The following SNX30 variants were observed in gnomAD, a reference collection of about 807,000 sequenced individuals.
SNX30 encodes sorting nexin family member 30.
In SNX30, 24 loss-of-function variants were observed where a neutral mutation model predicts 46.4. The observed-to-expected ratio is 0.52, with a 90% CI of 0.37 to 0.73. The LOEUF (loss-of-function observed/expected upper bound fraction) is 0.73. Ranked by LOEUF, SNX30 falls within the 30% of genes least tolerant of loss-of-function variation. The pLI is 0.00. For missense variants in SNX30, 533 were observed against 555.7 expected, an observed-to-expected ratio of 0.96 and a Z score of 0.41; for synonymous variants, 189 against 211.5, an observed-to-expected ratio of 0.89 and a Z score of 0.92.
At chr9:112,773,420 C>T (rs576143401) in intron 1 of SNX30, among the ~76,000 whole-genome samples, 27 of 151,856 alleles carry the variant, frequency 1.8e-4, no homozygotes, top group African/African-American at 5.8e-4. Context: ...GATAGGATCT[C>T]GCTTTGTCAT....
chr9:112,856,282 A>G (rs1362045562), intron 7 of SNX30, among the ~76,000 whole-genome samples: 1 of 93,098 alleles, frequency 1.1e-5, no homozygotes, highest in African/African-American at 4.0e-5. Flanking sequence ...GGCCGTGTGG[A>G]GGGGACCTGG....
At chr9:112,758,479 A>G (rs1397176402) in intron 1 of SNX30, among the ~76,000 whole-genome samples, 2 of 152,134 alleles carry the variant, frequency 1.3e-5, no homozygotes, top group East Asian at 3.8e-4. Flanking sequence ...ACAGACGCGC[A>G]TCACCATGCC....
intron 1 of SNX30, among the ~76,000 whole-genome samples, chr9:112,794,538 A>G (rs372759011): frequency 6.6e-6 from 1 of 152,236 alleles, no homozygotes; most frequent in Admixed American, 6.5e-5. Context: ...TCAGAGAGCC[A>G]TCATTTTACC....
At position 112,873,219 on chromosome 9, in the gene SNX30, G is replaced by A. The variant is rs1841474080; in HGVS notation, c.*4376G>A. 6.6e-6 allele frequency: 1 copy of A among 152,166 alleles called. No homozygotes were observed. The highest frequency in any genetic ancestry group is 2.4e-5 in the African/African-American group (1 of 41,434). The allele number at this position is 152,166 out of a possible 1,614,324, so 9.4% of individuals were successfully genotyped here. A position where few individuals can be genotyped will look rare whatever the true frequency, so the allele number is the denominator to read the frequency against. On this transcript the variant is annotated 3_prime_UTR_variant, in exon 9 of 9. Transcript: ENST00000374232. ...TTTCCAGGTAGTTTTTACTACTACAGAGAGTCTGTAAATAAGTGCTTTAAA... is the reference window on the plus strand; with the variant it reads ...TTTCCAGGTAGTTTTTACTACTACAAAGAGTCTGTAAATAAGTGCTTTAAA...
intron 2 of SNX30, among the ~76,000 whole-genome samples, chr9:112,815,649 C>T (rs1456112857): frequency 6.6e-6 from 1 of 152,200 alleles, no homozygotes; most frequent in Non-Finnish European, 1.5e-5. Context: ...GTGTGAGCCA[C>T]TGCGCCCAGC....
chr9:112,790,179 A>G (rs1233759482), intron 1 of SNX30, among the ~76,000 whole-genome samples: 2 of 152,236 alleles, frequency 1.3e-5, no homozygotes, highest in African/African-American at 4.8e-5. Context: ...CTTACTATCA[A>G]TAGTTAAGAT....
chr9:112,810,188 CT>C (rs1369140906), intron 2 of SNX30, among the ~76,000 whole-genome samples: 2 of 152,096 alleles, frequency 1.3e-5, no homozygotes, highest in African/African-American at 4.8e-5. Flanking sequence ...ATTTTCACAA[CT>C]TTTATGGGCT....
chr9:112,774,844 C>CCTTT (rs1839713736), intron 1 of SNX30, among the ~76,000 whole-genome samples: 1 of 128,802 alleles, frequency 7.8e-6, no homozygotes, highest in Non-Finnish European at 1.6e-5. Flanking sequence ...TATTTATATG[C>CCTTT]TTTTTTTTTT....
intron 1 of SNX30, among the ~76,000 whole-genome samples, chr9:112,767,442 G>C (rs1211499182): frequency 1.3e-5 from 2 of 152,052 alleles, no homozygotes; most frequent in African/African-American, 4.8e-5. Context: ...TTTTAGGTTA[G>C]CCTGTTTTTG....
intron 1 of SNX30, among the ~76,000 whole-genome samples, chr9:112,753,563 A>G (rs1026345324): frequency 6.6e-6 from 1 of 152,138 alleles, no homozygotes; most frequent in African/African-American, 2.4e-5. Flanking sequence ...GTGTATTTTT[A>G]GTAGAGACGA....
At chr9:112,782,621 A>G (rs1786020782) in intron 1 of SNX30, among the ~76,000 whole-genome samples, 1 of 152,266 alleles carries the variant, frequency 6.6e-6, no homozygotes, top group South Asian at 2.1e-4. Flanking sequence ...CAAAAAATCC[A>G]TCAGCATTTA....
At chr9:112,827,728 A>G (rs1840599289) in intron 3 of SNX30, among the ~76,000 whole-genome samples, 1 of 152,088 alleles carries the variant, frequency 6.6e-6, no homozygotes, top group African/African-American at 2.4e-5. Flanking sequence ...CTTTATTGCC[A>G]TATTATGGGG....
chr9:112,865,334 C>T (rs1588143421), intron 8 of SNX30, among the ~76,000 whole-genome samples: 4 of 152,074 alleles, frequency 2.6e-5, no homozygotes, highest in African/African-American at 9.6e-5. Context: ...TCCAGCAAAC[C>T]AGTGCGAGGC....
At chr9:112,780,967 A>AT (rs1839836941) in intron 1 of SNX30, among the ~76,000 whole-genome samples, 1 of 152,174 alleles carries the variant, frequency 6.6e-6, no homozygotes, top group African/African-American at 2.4e-5. Flanking sequence ...AGCCAAGATG[A>AT]TTCAGCCCGT....
At chr9:112,865,659 A>ATGTGTGTGTGTGTGTGTGTGTGTGTG (rs1473545725) in intron 8 of SNX30, among the ~76,000 whole-genome samples, 3 of 79,696 alleles carry the variant, frequency 3.8e-5, no homozygotes, top group Non-Finnish European at 7.6e-5. Flanking sequence ...ATATATATAT[A>ATGTGTGTGTGTGTGTGTGTGTGTGTG]TATGTATGTA....
chr9:112,837,982 C>T (rs1232442214), intron 5 of SNX30, among the ~76,000 whole-genome samples: 2 of 147,178 alleles, frequency 1.4e-5, no homozygotes, highest in Non-Finnish European at 3.0e-5. Flanking sequence ...CCTCTGCCTC[C>T]TGGGTTCAAG....
At chr9:112,844,502 C>T (rs1336526908) in intron 6 of SNX30, among the ~76,000 whole-genome samples, 3 of 152,042 alleles carry the variant, frequency 2.0e-5, no homozygotes, top group African/African-American at 7.2e-5. Flanking sequence ...TGAAGGCCTG[C>T]GCCTGTGGCA....
At chr9:112,786,518 CT>C (rs1395965721) in intron 1 of SNX30, among the ~76,000 whole-genome samples, 1 of 151,944 alleles carries the variant, frequency 6.6e-6, no homozygotes, top group African/African-American at 2.4e-5. Flanking sequence ...CACTTTCTTC[CT>C]TCTTCTGTGT....
At chr9:112,847,198 A>G (rs1178757947) in intron 6 of SNX30, among the ~76,000 whole-genome samples, 2 of 152,204 alleles carry the variant, frequency 1.3e-5, no homozygotes, top group African/African-American at 4.8e-5. Context: ...TTATAGAAAA[A>G]TTCAAACATA....
Sources: allele counts gnomAD v4.1 joint callset (sites outside exome capture counted in the v4.1 genomes callset), GRCh38; gene constraint gnomAD v4.1.1; transcripts MANE v1.5; gene names NCBI Gene and HGNC (gene_info 2026-07-23, HGNC 2026-07-21).